LTBP4: variants seen among roughly 807,000 people sequenced by gnomAD.
LTBP4 encodes the protein latent transforming growth factor beta binding protein 4, also known as latent-transforming growth factor beta-binding protein 4.
A neutral mutation model predicts 180.2 loss-of-function variants in LTBP4; 93 were observed. The observed-to-expected ratio is 0.52, with a 90% CI of 0.44 to 0.61. The LOEUF (loss-of-function observed/expected upper bound fraction) is 0.61. Among genes scored for constraint, LTBP4 ranks in the 20% least tolerant of loss-of-function variants. LTBP4 has a pLI of 0.00. For synonymous variants in LTBP4, 947 were observed against 934.5 expected (o/e 1.01, Z -0.24); for missense variants, 2,116 against 2,256.5 (o/e 0.94, Z 1.26).
In LTBP4 at chr19:40,608,376, T is replaced by C. The variant is rs2081479118; in HGVS notation, c.1306+7T>C. On this transcript the variant is annotated splice_region_variant and intron_variant, in intron 8 of 29. Transcript: ENST00000396819. Reference sequence around the variant, plus strand: ...ACCTCTCGGCCATCTGCAGGTGAGCTGGCTCTGGCAGAAGTGGGTGCCATC... The same window carrying C: ...ACCTCTCGGCCATCTGCAGGTGAGCCGGCTCTGGCAGAAGTGGGTGCCATC... 5 of 1,611,320 alleles carry C rather than the reference T, an allele frequency of 3.1e-6. No individual in the cohort carries two copies. Among genetic ancestry groups the C allele is most frequent in the Non-Finnish European group, 4.2e-6 (5 of 1,178,372 alleles).
At chr19:40,597,100 G>T, upstream of LTBP4, 4 of 860,282 alleles carry the variant, frequency 4.6e-6, no homozygotes, top group Non-Finnish European at 6.1e-6. Flanking sequence ...CGGGAAGTTC[G>T]CAGCCCGTGG....
chr19:40,610,130 C>G, intron 11 of LTBP4: 1 of 527,766 alleles, frequency 1.9e-6, no homozygotes, highest in Non-Finnish European at 3.3e-6. Flanking sequence ...GCCCCCACGC[C>G]CAGGCCCCGC....
intron 1 of LTBP4, among the ~76,000 whole-genome samples, chr19:40,595,201 ACT>A (rs1253402802): frequency 6.6e-6 from 1 of 151,908 alleles, no homozygotes; most frequent in Non-Finnish European, 1.5e-5. Flanking sequence ...GTGGCCTGAA[ACT>A]CTGGAAAAAG....
intron 12 of LTBP4, 30 bp downstream of exon 12, chr19:40,610,687 G>T: frequency 6.4e-7 from 1 of 1,563,034 alleles, no homozygotes; most frequent in South Asian, 1.2e-5. Flanking sequence ...AGCTGGGAAG[G>T]GGTGTGAGCG....
At position 40,623,684 on chromosome 19, in the gene LTBP4, T is replaced by C. The variant is rs772565022; in HGVS notation, c.3637T>C (p.Tyr1213His). 6 of 1,613,812 alleles carry C rather than the reference T, an allele frequency of 3.7e-6. No homozygotes were observed. The South Asian group carries it at 6.6e-5, about 18-fold the overall frequency. The stretch of plus-strand genomic sequence containing the variant: ...GAACACGGCCCCGGGCTACTCATGC[T>C]ATTGCAGCAACGGCTACTACTACCA... ...CVNTAPGYSC[Y>H]CSNGYYYHTQ... is the part of the protein sequence containing the mutation. Residue 1213 changes from tyrosine to histidine, a missense_variant, in exon 25 of 30, where the codon TAT becomes CAT. Transcript: ENST00000396819.
intron 1 of LTBP4, among the ~76,000 whole-genome samples, chr19:40,602,463 T>A (rs1244520912): frequency 2.0e-5 from 3 of 151,196 alleles, no homozygotes; most frequent in African/African-American, 7.3e-5. Flanking sequence ...GAGTGGGGAG[T>A]GGGGGCCCCT....
At position 40,601,408 on chromosome 19, in the gene LTBP4, G is replaced by C; in HGVS notation, c.21G>C (p.Leu7=). 7.2e-7 allele frequency: 1 copy of C among 1,384,552 alleles called. No individual in the cohort carries two copies. Among genetic ancestry groups the C allele is most frequent in the Non-Finnish European group, 9.4e-7 (1 of 1,063,450 alleles). The allele number at this position is 1,384,552 out of a possible 1,614,324, so 85.8% of individuals were successfully genotyped here. A position where few individuals can be genotyped will look rare whatever the true frequency, so the allele number is the denominator to read the frequency against. The change falls in exon 1 of 30, where the codon CTG becomes CTC. Residue 7 remains leucine, a synonymous_variant. Coordinates refer to ENST00000396819, the MANE Select transcript of LTBP4 (RefSeq NM_001042545.2). MAGGVR[L]LWVSLLVLLA... is the part of the protein sequence containing the mutation. Reference sequence around the variant, plus strand: ...CAGCCATGGCGGGCGGCGTGCGGCTGCTCTGGGTGTCGCTATTGGTGCTGC... The same window carrying C: ...CAGCCATGGCGGGCGGCGTGCGGCTCCTCTGGGTGTCGCTATTGGTGCTGC...
chr19:40,604,307 C>T (rs2081443423), intron 1 of LTBP4, among the ~76,000 whole-genome samples: 1 of 151,872 alleles, frequency 6.6e-6, no homozygotes. Context: ...ACTTCGTGGA[C>T]CAAGCAGAGG....
chr19:40,608,502 G>T lies in LTBP4; in HGVS notation c.1325G>T (p.Arg442Leu), dbSNP rs186406605. ...RPSAGFLPTH[R>L]LEPRPEPRPD... The stretch of plus-strand genomic sequence containing the variant: ...TTATCAGGCTTTCTGCCCACCCATC[G>T]CCTGGAGCCCCGGCCTGAACCCCGG... Residue 442 changes from arginine to leucine, a missense_variant, in exon 9 of 30, where the codon CGC (arginine) becomes CTC (leucine). Arg to Leu is a moderately radical substitution (Grantham distance 102). Coordinates refer to ENST00000396819, the MANE Select transcript of LTBP4 (RefSeq NM_001042545.2). 1 of 1,605,046 alleles carries T rather than the reference G, an allele frequency of 6.2e-7. No homozygotes were observed. Among genetic ancestry groups the T allele is most frequent in the Non-Finnish European group, 8.5e-7 (1 of 1,176,022 alleles).
At chr19:40,606,909 G>T (rs757214517) in intron 6 of LTBP4, among the ~76,000 whole-genome samples, 1 of 152,080 alleles carries the variant, frequency 6.6e-6, no homozygotes, top group East Asian at 1.9e-4. Flanking sequence ...CACCATGCCC[G>T]GCTAAATTTT....
At chr19:40,598,515 C>T (rs2081403407), upstream of LTBP4, 1 of 152,754 alleles carries the variant, frequency 6.5e-6, no homozygotes, top group African/African-American at 2.4e-5. Context: ...CACTGAGACC[C>T]TCTGGGCTGG....
chr19:40,593,803 C>CT (rs937159460), intron 1 of LTBP4, among the ~76,000 whole-genome samples: 6 of 150,376 alleles, frequency 4.0e-5, no homozygotes, highest in African/African-American at 7.3e-5. Context: ...TTCTTTATTT[C>CT]TTTTTTTTGA....
At chr19:40,602,636 C>T (rs1048831657) in intron 1 of LTBP4, among the ~76,000 whole-genome samples, 4 of 152,300 alleles carry the variant, frequency 2.6e-5, no homozygotes, top group South Asian at 4.1e-4. Context: ...CTGTGCCAGG[C>T]GCCATGCCCA....
At position 40,613,713 on chromosome 19, in the gene LTBP4, C is replaced by T; in HGVS notation, c.2557+184C>T. ...GGGCGGGGCGTGGAGATGAAAGGGCCGAGTCTGGGTATTTGGACCGTGATT... is the reference window on the plus strand; with the variant it reads ...GGGCGGGGCGTGGAGATGAAAGGGCTGAGTCTGGGTATTTGGACCGTGATT... On this transcript the variant is annotated intron_variant, in intron 17 of 29. Coordinates refer to ENST00000396819, the MANE Select transcript of LTBP4 (RefSeq NM_001042545.2). This position sits in a 1 kb window ranked among gnomAD's most constrained non-coding sequence, Gnocchi z 5.0. 1 of 1,216,812 alleles carries T rather than the reference C, an allele frequency of 8.2e-7. No homozygotes were observed. Among genetic ancestry groups the T allele is most frequent in the East Asian group, 2.5e-5 (1 of 39,234 alleles). The allele number at this position is 1,216,812 out of a possible 1,614,324, so 75.4% of individuals were successfully genotyped here. A position where few individuals can be genotyped will look rare whatever the true frequency, so the allele number is the denominator to read the frequency against.
Position 40,609,975 on chromosome 19 carries a change from G to T in LTBP4, c.1684+104G>T. The T allele has an allele frequency of 7.2e-7, 1 of 1,398,106 alleles. No individual in the cohort carries two copies. The highest frequency in any genetic ancestry group is 9.4e-7 in the Non-Finnish European group (1 of 1,062,804). The allele number at this position is 1,398,106 out of a possible 1,614,324, so 86.6% of individuals were successfully genotyped here. Reference sequence around the variant, plus strand: ...TCCCACGCTTCCCCTCTCGGGTCCCGCCCCAGGACTGCTCTGCCCTGGCCC... The same window carrying T: ...TCCCACGCTTCCCCTCTCGGGTCCCTCCCCAGGACTGCTCTGCCCTGGCCC... On this transcript the variant is annotated intron_variant, in intron 11 of 29. Coordinates refer to ENST00000396819, the MANE Select transcript of LTBP4 (RefSeq NM_001042545.2). The surrounding 1 kb of genome is among the most constrained non-coding windows in gnomAD (Gnocchi z 4.9).
At chr19:40,616,292 T>TA (rs72117985) in intron 19 of LTBP4, among the ~76,000 whole-genome samples, 4 of 136,424 alleles carry the variant, frequency 2.9e-5, no homozygotes, top group East Asian at 2.0e-4. Flanking sequence ...AGACCCCATT[T>TA]AAAAAAAAGA....
At chr19:40,598,906 T>A (rs993798983), upstream of LTBP4, among the ~76,000 whole-genome samples, 1 of 152,148 alleles carries the variant, frequency 6.6e-6, no homozygotes, top group Non-Finnish European at 1.5e-5. Context: ...TTTTGTTTTT[T>A]AATCACTTTT....
chr19:40,599,763 CTTTCTG>C (rs1203303597), upstream of LTBP4: 2 of 587,352 alleles, frequency 3.4e-6, no homozygotes, highest in Non-Finnish European at 6.0e-6. Flanking sequence ...ATTTCTGTCT[CTTTCTG>C]TTTCTTTCTA....
At chr19:40,600,112 G>A, upstream of LTBP4, 3 of 1,259,134 alleles carry the variant, frequency 2.4e-6, no homozygotes, top group East Asian at 3.1e-5. This position sits in a 1 kb window ranked among gnomAD's most constrained non-coding sequence, Gnocchi z 4.4. Context: ...CGGCCCCGGG[G>A]GCCAGGGGGC....
Sources: allele counts gnomAD v4.1 joint callset (sites outside exome capture counted in the v4.1 genomes callset), GRCh38; gene constraint gnomAD v4.1.1; non-coding constraint Gnocchi (gnomAD v3.1); transcripts MANE v1.5; gene names NCBI Gene and HGNC (gene_info 2026-07-23, HGNC 2026-07-21).